INSL6: variants seen among roughly 807,000 people sequenced by gnomAD.
The protein encoded by INSL6 is insulin like 6.
In INSL6, 16 loss-of-function variants were observed where a neutral mutation model predicts 9.4. The ratio of observed to expected loss-of-function variants is 1.70; its 90% CI spans 1.15 to 2.59. The LOEUF is 2.59. INSL6 is among the 30% of genes most tolerant of loss of function. The pLI, the probability that INSL6 is intolerant of heterozygous loss-of-function variation, is 0.00. For missense variants in INSL6, 391 were observed against 257.3 expected (o/e 1.52, Z -3.56); for synonymous variants, 154 against 96.9 (o/e 1.59, Z -3.46).
At chr9:5,137,418 A>G (rs1179845223) in intron 2 of INSL6, among the ~76,000 whole-genome samples, 1 of 152,210 alleles carries the variant, frequency 6.6e-6, no homozygotes, top group Non-Finnish European at 1.5e-5. Flanking sequence ...GTATCAAAAC[A>G]GATGTATAGA....
chr9:5,022,798 T>C, the INSL6 span, among the ~76,000 whole-genome samples: 1 of 152,344 alleles, frequency 6.6e-6, no homozygotes, highest in Admixed American at 6.5e-5. Flanking sequence ...GAGGTTACTA[T>C]AGAGCCTACT....
At chr9:5,128,656 T>C (rs1466902019) in intron 3 of INSL6, among the ~76,000 whole-genome samples, 2 of 151,962 alleles carry the variant, frequency 1.3e-5, no homozygotes, top group African/African-American at 2.4e-5. Context: ...ATCCCACATG[T>C]ACATTCTTGT....
the INSL6 span, among the ~76,000 whole-genome samples, chr9:5,038,273 T>C: frequency 1.3e-5 from 2 of 152,180 alleles, no homozygotes; most frequent in South Asian, 4.1e-4. Context: ...TGAATAGGTC[T>C]ATGACAAATA....
At chr9:5,158,528 G>T (rs781449755) in intron 2 of INSL6, among the ~76,000 whole-genome samples, 33 of 152,228 alleles carry the variant, frequency 2.2e-4, no homozygotes, top group Admixed American at 4.6e-4. Context: ...AACATGTCTG[G>T]TAACAGACTT....
the INSL6 span, among the ~76,000 whole-genome samples, chr9:5,107,467 A>G: frequency 1.3e-5 from 2 of 152,090 alleles, no homozygotes; most frequent in Admixed American, 1.3e-4. Flanking sequence ...TATTCAAACA[A>G]ATTACCTAAC....
chr9:4,993,220 AC>A, the INSL6 span, among the ~76,000 whole-genome samples: 2 of 152,154 alleles, frequency 1.3e-5, no homozygotes, highest in Non-Finnish European at 2.9e-5. Context: ...CTGCTGTGGG[AC>A]AACACCCTTA....
At chr9:5,183,200 G>C (rs370825897) in intron 1 of INSL6, among the ~76,000 whole-genome samples, 1 of 152,076 alleles carries the variant, frequency 6.6e-6, no homozygotes, top group East Asian at 1.9e-4. Context: ...CAGAATAAAT[G>C]TCATCTTCCC....
chr9:5,044,395 T>A, the INSL6 span: 1 of 1,570,258 alleles, frequency 6.4e-7, no homozygotes, highest in Non-Finnish European at 8.8e-7. Context: ...GTTTTTATTA[T>A]CTTGTAGATT....
downstream of INSL6, among the ~76,000 whole-genome samples, chr9:5,119,605 C>T (rs187259629): frequency 7.9e-5 from 12 of 151,882 alleles, no homozygotes; most frequent in African/African-American, 2.7e-4. Context: ...ATAAATAATA[C>T]AGAGTAAAAT....
chr9:5,041,335 G>A, the INSL6 span: 3 of 687,374 alleles, frequency 4.4e-6, no homozygotes, highest in Non-Finnish European at 7.7e-6. Context: ...ACAAGAGCTT[G>A]ACAGGTACGG....
the INSL6 span, among the ~76,000 whole-genome samples, chr9:5,063,880 G>A: frequency 1.3e-5 from 2 of 152,190 alleles, no homozygotes; most frequent in Non-Finnish European, 2.9e-5. Context: ...CAATCAGGCC[G>A]GGCATGGTGA....
chr9:5,108,746 T>C, the INSL6 span: 2 of 152,118 alleles, frequency 1.3e-5, no homozygotes, highest in South Asian at 4.1e-4. Context: ...CAAGCTCCAT[T>C]TGTCTACAAA....
chr9:5,044,854 CATTT>C, the INSL6 span, among the ~76,000 whole-genome samples: 1 of 152,084 alleles, frequency 6.6e-6, no homozygotes, highest in Non-Finnish European at 1.5e-5. Flanking sequence ...ATATTAGTAA[CATTT>C]CTTTATGGTT....
At chr9:5,098,082 C>G in the INSL6 span, 10 of 152,166 alleles carry the variant, frequency 6.6e-5, no homozygotes, top group South Asian at 1.0e-3. Context: ...ATCTGAGAAG[C>G]CTTTGTTTCG....
At chr9:5,165,230 T>C (rs115496211) in intron 1 of INSL6, among the ~76,000 whole-genome samples, 2,958 of 152,212 alleles carry the variant, frequency 0.019, 115 homozygotes, top group African/African-American at 0.068. Context: ...AAAAAAAGAA[T>C]AGTGCTGCTA....
chr9:5,075,542 T>C, the INSL6 span, among the ~76,000 whole-genome samples: 3 of 152,222 alleles, frequency 2.0e-5, no homozygotes, highest in Non-Finnish European at 2.9e-5. Context: ...CAAGAAAGCC[T>C]AGATGACAGC....
intron 2 of INSL6, among the ~76,000 whole-genome samples, chr9:5,147,286 G>A (rs950696162): frequency 7.9e-5 from 12 of 152,186 alleles, no homozygotes; most frequent in African/African-American, 2.9e-4. Context: ...TGGGGGATAT[G>A]TGGGGCCCAC....
At chr9:5,110,874 G>T in the INSL6 span, 1 of 517,974 alleles carries the variant, frequency 1.9e-6, no homozygotes, top group South Asian at 1.6e-5. Context: ...GCGCCCAGCA[G>T]GGTTTCCATG....
At chr9:5,046,043 A>G in the INSL6 span, among the ~76,000 whole-genome samples, 2 of 152,138 alleles carry the variant, frequency 1.3e-5, no homozygotes, top group African/African-American at 4.8e-5. Context: ...ATCCTCAACA[A>G]TGCTTTGCTT....
Sources: gnomAD v4.1 joint callset for allele counts (sites outside exome capture counted in the v4.1 genomes callset) on GRCh38, gnomAD v4.1.1 for gene constraint, MANE v1.5 for transcripts, NCBI Gene and HGNC (gene_info 2026-07-23, HGNC 2026-07-21) for gene names.